Variants in NTRK3 observed in about 807,000 individuals in gnomAD.
NTRK3 encodes NT-3 growth factor receptor.
NTRK3 carries 24 observed loss-of-function variants against 91.7 expected under a neutral mutation model. That is an observed-to-expected ratio of 0.26 (90% CI 0.19 to 0.37). The LOEUF (loss-of-function observed/expected upper bound fraction) is 0.37, where lower values mean the gene tolerates loss of function less well. Among genes scored for constraint, NTRK3 ranks in the 10% least tolerant of loss-of-function variants. The probability of loss-of-function intolerance (pLI) is 1.00; values close to 1 mark genes in which losing one functional copy is unlikely to be tolerated. For missense variants in NTRK3, 880 were observed against 1,068.9 expected, an observed-to-expected ratio of 0.82 and a Z score of 2.46; for synonymous variants, 483 against 404.0, an observed-to-expected ratio of 1.20 and a Z score of -2.34.
chr15:87,907,190 G>C (rs879366296), intron 17 of NTRK3, among the ~76,000 whole-genome samples: 2 of 152,168 alleles, frequency 1.3e-5, no homozygotes, highest in Non-Finnish European at 2.9e-5. Context: ...AAAACCAAGA[G>C]TTTGAACCCG....
intron 14 of NTRK3, among the ~76,000 whole-genome samples, chr15:88,005,253 C>T (rs2076404882): frequency 1.3e-5 from 2 of 152,158 alleles, no homozygotes; most frequent in Non-Finnish European, 2.9e-5. Context: ...GAGTAGGAGC[C>T]AGATGCTTCA....
At chr15:87,903,725 A>G (rs1224503765) in intron 17 of NTRK3, among the ~76,000 whole-genome samples, 1 of 152,174 alleles carries the variant, frequency 6.6e-6, no homozygotes, top group Non-Finnish European at 1.5e-5. Flanking sequence ...GGCATCTTAC[A>G]CAGGGGACTG....
chr15:88,083,884 G>C (rs184511306), intron 13 of NTRK3, among the ~76,000 whole-genome samples: 2 of 152,070 alleles, frequency 1.3e-5, no homozygotes, highest in African/African-American at 2.4e-5. Flanking sequence ...GGAGGGGAGG[G>C]GTGTAAGGCT....
At chr15:88,242,992 A>G (rs964389114) in intron 3 of NTRK3, among the ~76,000 whole-genome samples, 1 of 152,200 alleles carries the variant, frequency 6.6e-6, no homozygotes, top group African/African-American at 2.4e-5. Context: ...AAGTCCCCAT[A>G]GGCCATAGGG....
intron 13 of NTRK3, among the ~76,000 whole-genome samples, chr15:88,113,311 C>CTTTTTT (rs60232101): frequency 2.7e-4 from 30 of 111,630 alleles, no homozygotes; most frequent in Non-Finnish European, 3.6e-4. Flanking sequence ...TGATCAATTT[C>CTTTTTT]TTTTTTTTTT....
intron 17 of NTRK3, among the ~76,000 whole-genome samples, chr15:87,914,368 C>A (rs1435706167): frequency 6.6e-6 from 1 of 152,208 alleles, no homozygotes; most frequent in Non-Finnish European, 1.5e-5. Context: ...TCAGATCCAG[C>A]TGGCTTTCCC....
At chr15:87,944,462 G>A (rs979444417) in intron 14 of NTRK3, among the ~76,000 whole-genome samples, 1 of 152,238 alleles carries the variant, frequency 6.6e-6, no homozygotes, top group African/African-American at 2.4e-5. Flanking sequence ...AGAGATAAGT[G>A]TTATTACACC....
At chr15:88,082,132 G>A (rs2048100438) in intron 13 of NTRK3, among the ~76,000 whole-genome samples, 1 of 152,064 alleles carries the variant, frequency 6.6e-6, no homozygotes, top group Non-Finnish European at 1.5e-5. Context: ...AAAAAAATTA[G>A]CCAGGCGTGG....
chr15:88,079,227 G>A (rs2047831592), intron 13 of NTRK3, among the ~76,000 whole-genome samples: 1 of 152,180 alleles, frequency 6.6e-6, no homozygotes, highest in Non-Finnish European at 1.5e-5. Context: ...AAAGAGACTG[G>A]GATTAGATGT....
intron 13 of NTRK3, among the ~76,000 whole-genome samples, chr15:88,061,606 C>T (rs1038414755): frequency 1.3e-5 from 2 of 152,238 alleles, no homozygotes; most frequent in Non-Finnish European, 2.9e-5. Context: ...GACACTCACG[C>T]CCCCGCAGGG....
intron 14 of NTRK3, among the ~76,000 whole-genome samples, chr15:88,015,760 G>C (rs145497141): frequency 5.2e-4 from 79 of 152,168 alleles, no homozygotes; most frequent in African/African-American, 1.9e-3. Context: ...CCAAGATTAG[G>C]AGCTCTGTGC....
At chr15:88,002,167 T>C (rs900055078) in intron 14 of NTRK3, among the ~76,000 whole-genome samples, 1 of 137,760 alleles carries the variant, frequency 7.3e-6, no homozygotes, top group Non-Finnish European at 1.6e-5. Context: ...GGATAGTGGT[T>C]GTTTTTTTTT....
chr15:88,150,911 A>G (rs2043313283), intron 5 of NTRK3, among the ~76,000 whole-genome samples: 1 of 152,096 alleles, frequency 6.6e-6, no homozygotes, highest in Non-Finnish European at 1.5e-5. Context: ...CTCGGAACTC[A>G]TTGCCCCTGA....
At chr15:88,040,304 C>T (rs556239459) in intron 13 of NTRK3, among the ~76,000 whole-genome samples, 1 of 152,342 alleles carries the variant, frequency 6.6e-6, no homozygotes, top group African/African-American at 2.4e-5. Flanking sequence ...CCCAGGTGGG[C>T]TGAGCCCCAG....
chr15:88,000,172 G>A (rs973639240), intron 14 of NTRK3, among the ~76,000 whole-genome samples: 42 of 152,264 alleles, frequency 2.8e-4, no homozygotes, highest in African/African-American at 1.0e-3. Flanking sequence ...GACTAATAGT[G>A]GACAGGTAGC....
chr15:88,160,080 A>G (rs888379235), intron 5 of NTRK3, among the ~76,000 whole-genome samples: 5 of 151,792 alleles, frequency 3.3e-5, no homozygotes, highest in Non-Finnish European at 5.9e-5. Context: ...GGGTCCCGGG[A>G]TGAGTGGAGA....
chr15:87,979,452 T>C (rs2074010052), intron 14 of NTRK3: 1 of 1,609,908 alleles, frequency 6.2e-7, no homozygotes, highest in South Asian at 1.1e-5. Context: ...TTCAACATAA[T>C]TTCTCTGAAA....
intron 13 of NTRK3, among the ~76,000 whole-genome samples, chr15:88,122,209 G>T (rs2052789342): frequency 6.6e-6 from 1 of 152,170 alleles, no homozygotes; most frequent in South Asian, 2.1e-4. Flanking sequence ...TCTACATATG[G>T]ATATACAGAG....
At chr15:87,965,006 A>G (rs2072657372) in intron 14 of NTRK3, among the ~76,000 whole-genome samples, 1 of 152,226 alleles carries the variant, frequency 6.6e-6, no homozygotes, top group African/African-American at 2.4e-5. Flanking sequence ...TGAATATATC[A>G]CTTCCACAAA....
Sources: gnomAD v4.1 joint callset for allele counts (sites outside exome capture counted in the v4.1 genomes callset) on GRCh38, gnomAD v4.1.1 for gene constraint, MANE v1.5 for transcripts, NCBI Gene and HGNC (gene_info 2026-07-23, HGNC 2026-07-21) for gene names.